GPHN: variants seen among roughly 807,000 people sequenced by gnomAD.
GPHN encodes the protein gephyrin.
In GPHN, 17 loss-of-function variants were observed where a neutral mutation model predicts 95.5. The observed-to-expected ratio is 0.18, with a 90% CI of 0.12 to 0.27. The LOEUF (loss-of-function observed/expected upper bound fraction) is 0.27, where lower values mean the gene tolerates loss of function less well. Ranked by LOEUF, GPHN falls within the 10% of genes least tolerant of loss-of-function variation. The pLI is 1.00. For synonymous variants in GPHN, 320 were observed against 322.5 expected (o/e 0.99, Z 0.08); for missense variants, 660 against 978.1 (o/e 0.67, Z 4.34).
At chr14:66,558,509 C>G (rs2060098294) in intron 1 of GPHN, among the ~76,000 whole-genome samples, 1 of 152,050 alleles carries the variant, frequency 6.6e-6, no homozygotes, top group Non-Finnish European at 1.5e-5. Context: ...CATCAAACCC[C>G]TGTATATTTT....
chr14:66,562,581 A>T (rs563088115), intron 1 of GPHN, among the ~76,000 whole-genome samples: 340 of 152,226 alleles, frequency 2.2e-3, no homozygotes, highest in African/African-American at 7.7e-3. Context: ...CGTTTGTTGG[A>T]ATTTGGGCTT....
In GPHN at chr14:67,130,294, A is replaced by G. The variant is rs989145944; in HGVS notation, c.1748+7917A>G. Among the ~76,000 whole-genome samples the G allele has an allele frequency of 3.9e-5, 6 of 151,906 alleles. No individual in the cohort carries two copies. In the East Asian group the frequency reaches 1.2e-3, roughly 29 times the overall value. ...CTCCTTCCCTCCTCTAGTAGTTCCC[A>G]GTGTCTATTGTTGCCATCATTATGT... On this transcript the variant is annotated intron_variant, in intron 17 of 22. Coordinates refer to ENST00000478722, the MANE Select transcript of GPHN (RefSeq NM_020806.5).
the GPHN span, among the ~76,000 whole-genome samples, chr14:67,720,533 G>T: frequency 6.6e-6 from 1 of 152,184 alleles, no homozygotes; most frequent in Non-Finnish European, 1.5e-5. Context: ...CTTTTTCCCA[G>T]CTGGATACCT....
At chr14:66,649,112 G>T (rs1438899449) in intron 1 of GPHN, among the ~76,000 whole-genome samples, 1 of 152,278 alleles carries the variant, frequency 6.6e-6, no homozygotes, top group East Asian at 1.9e-4. Context: ...CCGGTGGATT[G>T]CCTGAGCTCA....
intron 4 of GPHN, among the ~76,000 whole-genome samples, chr14:66,876,537 G>T (rs2063672389): frequency 6.6e-6 from 1 of 152,070 alleles, no homozygotes; most frequent in East Asian, 1.9e-4. Context: ...GAATTAAATA[G>T]ATACAATACA....
chr14:66,661,307 G>C (rs1357518334), intron 1 of GPHN, among the ~76,000 whole-genome samples: 2 of 152,164 alleles, frequency 1.3e-5, no homozygotes, highest in Non-Finnish European at 2.9e-5. Context: ...TTGCTGCTTG[G>C]ATAACTCAGC....
intron 9 of GPHN, among the ~76,000 whole-genome samples, chr14:66,984,661 A>G (rs993954065): frequency 6.6e-6 from 1 of 152,116 alleles, no homozygotes; most frequent in Non-Finnish European, 1.5e-5. Context: ...TCAGGTTTCT[A>G]TTATTTCTTG....
the GPHN span, chr14:67,574,301 G>A: frequency 6.2e-7 from 1 of 1,607,620 alleles, no homozygotes; most frequent in Non-Finnish European, 8.5e-7. This position sits in a 1 kb window ranked among gnomAD's most constrained non-coding sequence, Gnocchi z 4.2. Context: ...TGCTGGAGGA[G>A]TGGATCCGAG....
intron 1 of GPHN, among the ~76,000 whole-genome samples, chr14:66,569,000 T>G (rs1228822573): frequency 6.6e-6 from 1 of 152,152 alleles, no homozygotes; most frequent in East Asian, 1.9e-4. Context: ...TTGAGTAAAA[T>G]GTATTGTGTT....
intron 9 of GPHN, among the ~76,000 whole-genome samples, chr14:66,997,195 G>T (rs186972381): frequency 6.6e-6 from 1 of 151,658 alleles, no homozygotes; most frequent in East Asian, 1.9e-4. Context: ...GTGAAACCCC[G>T]TCTCTACTAA....
the GPHN span, chr14:67,722,393 T>G: frequency 1.7e-6 from 1 of 582,852 alleles, no homozygotes; most frequent in Non-Finnish European, 3.1e-6. Context: ...TAAGTAAGCT[T>G]CAAACCTTGA....
At chr14:66,661,970 G>A (rs529897427) in intron 1 of GPHN, among the ~76,000 whole-genome samples, 1 of 152,290 alleles carries the variant, frequency 6.6e-6, no homozygotes, top group African/African-American at 2.4e-5. Flanking sequence ...TCCCAACTGT[G>A]TCCTCCAGTC....
chr14:66,680,959 A>G (rs1321753357), intron 1 of GPHN, 148 bp from the exon 2 acceptor site: 1 of 612,236 alleles, frequency 1.6e-6, no homozygotes, highest in African/African-American at 1.9e-5. Flanking sequence ...TAAATTCACC[A>G]GGCCTATAAA....
At chr14:67,205,019 T>C in the GPHN span, 1,404 of 1,554,858 alleles carry the variant, frequency 9.0e-4, no homozygotes, top group Non-Finnish European at 1.2e-3. Context: ...AGCTCTGATA[T>C]TACAAACTGC....
At chr14:67,499,801 T>C in the GPHN span, among the ~76,000 whole-genome samples, 1 of 151,780 alleles carries the variant, frequency 6.6e-6, no homozygotes. Context: ...GCAGCCTCAA[T>C]TCCCACAGGC....
At chr14:67,247,815 G>GCGATCTGCCCACCTCAGCCTCC in the GPHN span, among the ~76,000 whole-genome samples, 1 of 152,090 alleles carries the variant, frequency 6.6e-6, no homozygotes, top group Non-Finnish European at 1.5e-5. Context: ...CTGGGCTCAA[G>GCGATCTGCCCACCTCAGCCTCC]CGATCTGCCC....
the GPHN span, among the ~76,000 whole-genome samples, chr14:67,273,132 T>TA: frequency 1.4e-5 from 2 of 146,920 alleles, no homozygotes; most frequent in Non-Finnish European, 3.0e-5. Context: ...TTTTTTTTTT[T>TA]ATACTTTAAG....
At chr14:66,541,892 C>T (rs1186980654) in intron 1 of GPHN, among the ~76,000 whole-genome samples, 1 of 152,172 alleles carries the variant, frequency 6.6e-6, no homozygotes, top group East Asian at 1.9e-4. Flanking sequence ...TTGTGTCATT[C>T]ATATGCTTTG....
At chr14:67,555,069 C>T in the GPHN span, among the ~76,000 whole-genome samples, 22,447 of 151,946 alleles carry the variant, frequency 0.15, 2,034 homozygotes, top group East Asian at 0.34. Context: ...CACACCGCCA[C>T]GCTCAGCTAA....
Sources: allele counts gnomAD v4.1 joint callset (sites outside exome capture counted in the v4.1 genomes callset), GRCh38; gene constraint gnomAD v4.1.1; non-coding constraint Gnocchi (gnomAD v3.1); transcripts MANE v1.5; gene names NCBI Gene and HGNC (gene_info 2026-07-23, HGNC 2026-07-21).